The following NME6 variants were observed in gnomAD, a reference collection of about 807,000 sequenced individuals.
NME6 encodes the protein NME/NM23 nucleoside diphosphate kinase 6, also known as nucleoside diphosphate kinase 6, mitochondrial.
Under a neutral mutation model 22.2 loss-of-function variants are expected in NME6, and 16 were observed. The observed-to-expected ratio is 0.72, with a 90% confidence interval of 0.49 to 1.09. NME6 has a LOEUF of 1.09. Among genes scored for constraint, NME6 ranks in the 50% least tolerant of loss-of-function variants. NME6 has a pLI of 0.00. For synonymous variants in NME6, 58 were observed against 85.2 expected, an observed-to-expected ratio of 0.68 and a Z score of 1.76; for missense variants, 229 against 239.0, an observed-to-expected ratio of 0.96 and a Z score of 0.28.
At chr3:48,288,196 C>T (rs1431285554), downstream of NME6, among the ~76,000 whole-genome samples, 2 of 151,926 alleles carry the variant, frequency 1.3e-5, no homozygotes, top group Admixed American at 6.6e-5. Flanking sequence ...GCCTGGGCAA[C>T]ATGGCAAAAC....
intron 1 of NME6, among the ~76,000 whole-genome samples, chr3:48,299,866 C>T (rs978217893): frequency 6.6e-6 from 1 of 152,170 alleles, no homozygotes; most frequent in African/African-American, 2.4e-5. Flanking sequence ...CCCACTCTCC[C>T]TAATGCCACA....
chr3:48,301,012 C>A (rs2035638576), intron 1 of NME6, among the ~76,000 whole-genome samples: 1 of 152,118 alleles, frequency 6.6e-6, no homozygotes, highest in South Asian at 2.1e-4. Context: ...CGCGCCACTG[C>A]ACTCCAGCCT....
chr3:48,299,944 T>G (rs1040986021), intron 1 of NME6, among the ~76,000 whole-genome samples: 1 of 152,146 alleles, frequency 6.6e-6, no homozygotes, highest in Non-Finnish European at 1.5e-5. Flanking sequence ...CCCTCACTCT[T>G]CATATCCACA....
At chr3:48,296,353 C>T in intron 3 of NME6, 195 bp from the exon 4 acceptor site, 1 of 717,490 alleles carries the variant, frequency 1.4e-6, no homozygotes, top group Non-Finnish European at 2.4e-6. Flanking sequence ...AAATCATTAA[C>T]CTCCTAAACT....
rs1372705435 is a variant in NME6 at position 48,294,282 on chromosome 3, C to G, written c.*355G>C. The G allele has an allele frequency of 5.4e-6, 1 of 186,486 alleles. No homozygotes were observed. Among genetic ancestry groups the G allele is most frequent in the African/African-American group, 2.3e-5 (1 of 43,378 alleles). The allele number at this position is 186,486 out of a possible 1,614,324, so 11.6% of individuals were successfully genotyped here. A position where few individuals can be genotyped will look rare whatever the true frequency, so the allele number is the denominator to read the frequency against. ...AGAGATGGGGTTTCACCATGTTGGT[C>G]AGGCTGGTCTCGAATTCCTGACCTT... On this transcript the variant is annotated 3_prime_UTR_variant, in exon 6 of 6. Coordinates refer to ENST00000442597, the MANE Select transcript of NME6 (RefSeq NM_001308426.2).
chr3:48,294,406 C>G lies in NME6; in HGVS notation c.*231G>C. On this transcript the variant is annotated 3_prime_UTR_variant, in exon 6 of 6. Transcript: ENST00000442597. Reference sequence around the variant, plus strand: ...TCTTCTTGAAGAAGGATGAACAGTTCTCAGCAAAGAGGAGTCATCATTCTT... The same window carrying G: ...TCTTCTTGAAGAAGGATGAACAGTTGTCAGCAAAGAGGAGTCATCATTCTT... The G allele has an allele frequency of 2.1e-6, 1 of 471,392 alleles. No homozygotes were observed. Among genetic ancestry groups the G allele is most frequent in the Non-Finnish European group, 3.9e-6 (1 of 259,160 alleles). 29.2% of individuals were successfully genotyped at this position (471,392 alleles called of 1,614,324 possible). A position where few individuals can be genotyped will look rare whatever the true frequency, so the allele number is the denominator to read the frequency against.
In NME6 at chr3:48,292,380, T is replaced by A. The variant is rs187203637; in HGVS notation, c.*2257A>T. 6.6e-6 allele frequency: 1 copy of A among 152,326 alleles called. No individual in the cohort carries two copies. Among genetic ancestry groups the A allele is most frequent in the African/African-American group, 2.4e-5 (1 of 41,578 alleles). 9.4% of individuals were successfully genotyped at this position (152,326 alleles called of 1,614,324 possible). A position where few individuals can be genotyped will look rare whatever the true frequency, so the allele number is the denominator to read the frequency against. On this transcript the variant is annotated 3_prime_UTR_variant, in exon 6 of 6. Transcript: ENST00000442597. Reference sequence around the variant, plus strand: ...CTTTCCATATTTGTGGGAGCCAGGTTTTTATGAGACAATTTTATTGGGAGA... The same window carrying A: ...CTTTCCATATTTGTGGGAGCCAGGTATTTATGAGACAATTTTATTGGGAGA...
intron 1 of NME6, chr3:48,299,275 T>C (rs1270746509): frequency 6.4e-6 from 2 of 312,854 alleles, no homozygotes; most frequent in African/African-American, 4.3e-5. Flanking sequence ...GTATTCCTAA[T>C]GTCTAGCATG....
In NME6 at chr3:48,294,602, G is replaced by A; in HGVS notation, c.*35C>T. 6.2e-7 allele frequency: 1 copy of A among 1,605,652 alleles called. No homozygotes were observed. The highest frequency in any genetic ancestry group is 8.5e-7 in the Non-Finnish European group (1 of 1,173,638). On this transcript the variant is annotated 3_prime_UTR_variant, in exon 6 of 6. Coordinates refer to ENST00000442597, the MANE Select transcript of NME6 (RefSeq NM_001308426.2). Reference sequence around the variant, plus strand: ...GTTTTAGACTAGATGTCTAGGAGAAGTCTGGGCACTACCACTGGTCTTCAT... The same window carrying A: ...GTTTTAGACTAGATGTCTAGGAGAAATCTGGGCACTACCACTGGTCTTCAT...
Position 48,295,141 on chromosome 3 carries a change from C to T in NME6, c.328G>A (p.Val110Met). Residue 110 changes from valine to methionine, a missense_variant, in exon 5 of 6, where the codon GTG becomes ATG. By Grantham distance (21) the Val-to-Met change is conservative. Transcript: ENST00000442597. ...GPTRVFRARH[V>M]APDSIRGSFG... Reference sequence around the variant, plus strand: ...CTCCCACGGATAGAATCTGGGGCCACATGGCGTGCTCGGAACACTCTGGTG... The same window carrying T: ...CTCCCACGGATAGAATCTGGGGCCATATGGCGTGCTCGGAACACTCTGGTG... 1 of 1,614,220 alleles carries T rather than the reference C, an allele frequency of 6.2e-7. No homozygotes were observed. The highest frequency in any genetic ancestry group is 8.5e-7 in the Non-Finnish European group (1 of 1,180,032).
At chr3:48,288,336 C>A (rs1349717244), downstream of NME6, among the ~76,000 whole-genome samples, 1 of 149,528 alleles carries the variant, frequency 6.7e-6, no homozygotes, top group Non-Finnish European at 1.5e-5. Context: ...GATCACGCCA[C>A]TGCATTCCAG....
intron 4 of NME6, 81 bp downstream of exon 4, chr3:48,296,038 G>A: frequency 1.0e-6 from 1 of 973,376 alleles, no homozygotes; most frequent in Non-Finnish European, 1.7e-6. Context: ...TTAAAGAATG[G>A]CAGTGAAATG....
chr3:48,294,165 C>T lies in NME6; in HGVS notation c.*472G>A, dbSNP rs1226725768. The T allele has an allele frequency of 6.6e-6, 1 of 152,570 alleles. No individual in the cohort carries two copies. Among genetic ancestry groups the T allele is most frequent in the Non-Finnish European group, 1.5e-5 (1 of 68,530 alleles). 9.5% of individuals were successfully genotyped at this position (152,570 alleles called of 1,614,324 possible). On this transcript the variant is annotated 3_prime_UTR_variant, in exon 6 of 6. Coordinates refer to ENST00000442597, the MANE Select transcript of NME6 (RefSeq NM_001308426.2). ...TCTCGGCTCACTGCACCCTCTGCCT[C>T]CCAGGTTCAAGCAATTCTCCTGCCT... is the stretch of plus-strand genomic sequence containing the variant.
downstream of NME6, among the ~76,000 whole-genome samples, chr3:48,289,086 C>T (rs1204726719): frequency 6.7e-6 from 1 of 148,536 alleles, no homozygotes; most frequent in East Asian, 1.9e-4. Flanking sequence ...TTTTTTGAGA[C>T]GGAGTTTCGC....
intron 3 of NME6, 151 bp from the exon 4 acceptor site, chr3:48,296,309 G>C (rs914220595): frequency 1.8e-5 from 20 of 1,085,928 alleles, no homozygotes; most frequent in Non-Finnish European, 2.5e-5. Flanking sequence ...TCTGAATCCA[G>C]GGTCTGCCAC....
At chr3:48,296,435 A>G (rs571633350) in intron 3 of NME6, among the ~76,000 whole-genome samples, 36 of 152,352 alleles carry the variant, frequency 2.4e-4, no homozygotes, top group African/African-American at 8.2e-4. Context: ...ATTGAATGAA[A>G]AAATGAGCAT....
intron 1 of NME6, chr3:48,299,240 T>C: frequency 2.4e-6 from 1 of 412,776 alleles, no homozygotes; most frequent in Non-Finnish European, 4.3e-6. Context: ...AATAAACCTA[T>C]ATAGTCTTAT....
intron 1 of NME6, chr3:48,301,129 G>C: frequency 1.4e-6 from 1 of 702,614 alleles, no homozygotes; most frequent in East Asian, 3.2e-5. Context: ...GGAGGGCGGC[G>C]GCCCAGCCCT....
In NME6 at chr3:48,298,034, G is replaced by T. The variant is rs1474688512; in HGVS notation, c.90+393C>A. 4 of 280,452 alleles carry T rather than the reference G, an allele frequency of 1.4e-5. No individual in the cohort carries two copies. In the Admixed American group the frequency reaches 1.5e-4, roughly 11 times the overall value. 17.4% of individuals were successfully genotyped at this position (280,452 alleles called of 1,614,324 possible). A position where few individuals can be genotyped will look rare whatever the true frequency, so the allele number is the denominator to read the frequency against. On this transcript the variant is annotated intron_variant, in intron 2 of 5. Coordinates refer to ENST00000442597, the MANE Select transcript of NME6 (RefSeq NM_001308426.2). ...GACCCTCCAGATAAGGACCTGGTCAGCCAATACCTTGACTTTGGCCTTGTG... is the reference window on the plus strand; with the variant it reads ...GACCCTCCAGATAAGGACCTGGTCATCCAATACCTTGACTTTGGCCTTGTG...
Sources: gnomAD v4.1 joint callset for allele counts (sites outside exome capture counted in the v4.1 genomes callset) on GRCh38, gnomAD v4.1.1 for gene constraint, MANE v1.5 for transcripts, NCBI Gene and HGNC (gene_info 2026-07-23, HGNC 2026-07-21) for gene names.